The following DYNC2I1 variants were observed in gnomAD, a reference collection of about 807,000 sequenced individuals.
DYNC2I1 encodes the protein dynein 2 intermediate chain 1, also known as cytoplasmic dynein 2 intermediate chain 1.
Under a neutral mutation model 133.4 loss-of-function variants are expected in DYNC2I1, and 89 were observed. The ratio of observed to expected loss-of-function variants is 0.67; its 90% CI spans 0.56 to 0.80. The LOEUF (loss-of-function observed/expected upper bound fraction) is 0.80, where lower values mean the gene tolerates loss of function less well. Ranked by LOEUF, DYNC2I1 falls within the 30% of genes least tolerant of loss-of-function variation. The pLI is 0.00. For missense variants in DYNC2I1, 1,291 were observed against 1,314.5 expected (o/e 0.98, Z 0.28); for synonymous variants, 504 against 484.3 (o/e 1.04, Z -0.54).
rs751640988 is a variant in DYNC2I1, at chr7:158,927,031, A to G, written c.2473A>G (p.Ile825Val). 20 of 1,602,360 alleles carry G rather than the reference A, an allele frequency of 1.2e-5. No individual in the cohort carries two copies. Among genetic ancestry groups the G allele is most frequent in the Non-Finnish European group, 1.5e-5 (18 of 1,173,806 alleles). The change falls in exon 20 of 25, where the codon ATA becomes GTA. Residue 825 changes from isoleucine (I) to valine (V), a missense_variant. By Grantham distance (29) the Ile-to-Val change is conservative (BLOSUM62 3). Transcript: ENST00000407559. The stretch of plus-strand genomic sequence containing the variant: ...ACCAAAGGCAGACATCGCAGGTTCA[A>G]TAAGTGATTTAGGTAACTATTAAGT... ...ELPKADIAGS[I>V]SDLGLMPGGR...
intron 5 of DYNC2I1, among the ~76,000 whole-genome samples, chr7:158,884,015 A>T (rs969733237): frequency 2.1e-5 from 3 of 145,730 alleles, no homozygotes; most frequent in Non-Finnish European, 3.0e-5. Context: ...TTGTTATCCT[A>T]TCTGCCACAC....
chr7:158,901,046 C>G (rs148127311), intron 8 of DYNC2I1, among the ~76,000 whole-genome samples: 2 of 152,226 alleles, frequency 1.3e-5, no homozygotes, highest in Non-Finnish European at 2.9e-5. Flanking sequence ...CCTGCCATGT[C>G]TGGAACTGGT....
intron 12 of DYNC2I1, among the ~76,000 whole-genome samples, chr7:158,912,657 A>C (rs988248631): frequency 2.0e-5 from 3 of 152,170 alleles, no homozygotes; most frequent in African/African-American, 7.2e-5. Context: ...TTAGTAACAA[A>C]ACTGATTTCA....
the DYNC2I1 span, among the ~76,000 whole-genome samples, chr7:158,849,540 G>C: frequency 2.0e-5 from 3 of 152,224 alleles, no homozygotes; most frequent in African/African-American, 7.2e-5. Flanking sequence ...GTTATTGAGT[G>C]TTACAACAGC....
chr7:158,915,583 T>A (rs1848067705), intron 14 of DYNC2I1, among the ~76,000 whole-genome samples: 1 of 151,068 alleles, frequency 6.6e-6, no homozygotes, highest in African/African-American at 2.4e-5. Flanking sequence ...CTCGACACGC[T>A]GGTTGAGATT....
At chr7:158,958,410 C>T (rs1373414647), downstream of DYNC2I1, among the ~76,000 whole-genome samples, 2 of 152,200 alleles carry the variant, frequency 1.3e-5, no homozygotes, top group Non-Finnish European at 2.9e-5. Flanking sequence ...CTGTTCTGTG[C>T]GCGGATCAGC....
intron 11 of DYNC2I1, among the ~76,000 whole-genome samples, chr7:158,911,096 A>G (rs879389179): frequency 2.0e-5 from 3 of 152,312 alleles, no homozygotes; most frequent in South Asian, 2.1e-4. Context: ...GGGGAAGCAC[A>G]GAGGTTGGCT....
intron 5 of DYNC2I1, among the ~76,000 whole-genome samples, chr7:158,883,913 C>T (rs1424168689): frequency 1.3e-5 from 2 of 151,788 alleles, no homozygotes; most frequent in South Asian, 2.1e-4. Context: ...ATCCGCCCGC[C>T]TCGGCCTCCC....
At chr7:158,938,240 CAT>C (rs1157904258) in intron 23 of DYNC2I1, among the ~76,000 whole-genome samples, 1 of 152,152 alleles carries the variant, frequency 6.6e-6, no homozygotes, top group African/African-American at 2.4e-5. Context: ...AAGCAAATAA[CAT>C]ATAAAGGAGT....
rs965500665 is a variant in DYNC2I1, at chr7:158,923,718, G to T, written c.2242G>T (p.Ala748Ser). Reference protein sequence around the residue: ...LSDGFWTFRTATFSTDGILTS... With the variant: ...LSDGFWTFRTSTFSTDGILTS... ...CGATGGCTTCTGGACGTTCCGGACCGCCACGTTTTCCACCGGTCAGTGTCA... is the reference window on the plus strand; with the variant it reads ...CGATGGCTTCTGGACGTTCCGGACCTCCACGTTTTCCACCGGTCAGTGTCA... Residue 748 changes from alanine (A) to serine (S), a missense_variant, in exon 17 of 25, where the codon GCC becomes TCC. Coordinates refer to ENST00000407559, the MANE Select transcript of DYNC2I1 (RefSeq NM_018051.5). 7 of 1,610,338 alleles carry T rather than the reference G, an allele frequency of 4.3e-6. No individual in the cohort carries two copies. In the African/African-American group the frequency reaches 9.4e-5, roughly 22 times the overall value.
the DYNC2I1 span, among the ~76,000 whole-genome samples, chr7:158,841,836 G>A: frequency 6.6e-6 from 1 of 152,168 alleles, no homozygotes; most frequent in Non-Finnish European, 1.5e-5. Context: ...TGAGGTTGAC[G>A]TGAGGTTCAC....
intron 1 of DYNC2I1, among the ~76,000 whole-genome samples, chr7:158,866,692 C>A (rs1842436591): frequency 6.6e-6 from 1 of 151,652 alleles, no homozygotes; most frequent in Non-Finnish European, 1.5e-5. Flanking sequence ...CGAGACCAGC[C>A]TGACCAACAT....
the DYNC2I1 span, among the ~76,000 whole-genome samples, chr7:158,845,035 G>T: frequency 7.2e-5 from 11 of 152,076 alleles, no homozygotes; most frequent in Non-Finnish European, 1.5e-5. Flanking sequence ...TTGGCCAAGG[G>T]CATTCCAAAG....
At chr7:158,883,382 ATT>A (rs201088546) in intron 5 of DYNC2I1, among the ~76,000 whole-genome samples, 4 of 134,680 alleles carry the variant, frequency 3.0e-5, no homozygotes, top group African/African-American at 5.5e-5. Flanking sequence ...GCTTATTATT[ATT>A]TTTTTTTTTT....
At chr7:158,934,381 G>A in intron 22 of DYNC2I1, 37 bp from the exon 23 acceptor site, 3 of 1,596,066 alleles carry the variant, frequency 1.9e-6, no homozygotes, top group Non-Finnish European at 2.6e-6. Flanking sequence ...CGTGTGTAAT[G>A]CACTCGTTCA....
intron 20 of DYNC2I1, among the ~76,000 whole-genome samples, chr7:158,928,067 C>G (rs987540841): frequency 5.9e-5 from 9 of 152,164 alleles, no homozygotes; most frequent in Non-Finnish European, 1.5e-5. Context: ...GATGCTGCCC[C>G]GAGGGCCCTT....
intron 23 of DYNC2I1, among the ~76,000 whole-genome samples, chr7:158,940,011 C>G (rs893088555): frequency 6.6e-6 from 1 of 152,096 alleles, no homozygotes; most frequent in Non-Finnish European, 1.5e-5. Flanking sequence ...ATTAATAGAT[C>G]TAAAACAGAA....
chr7:158,858,376 T>G (rs949564479), intron 1 of DYNC2I1, among the ~76,000 whole-genome samples: 2 of 152,200 alleles, frequency 1.3e-5, no homozygotes, highest in African/African-American at 4.8e-5. Context: ...AGTCCTGTAT[T>G]CTAAGCTCAC....
intron 24 of DYNC2I1, among the ~76,000 whole-genome samples, chr7:158,943,377 C>G (rs1851564948): frequency 6.6e-6 from 1 of 152,190 alleles, no homozygotes; most frequent in South Asian, 2.1e-4. Context: ...CTCTCCCTCC[C>G]TGGTGGGCAA....
Sources: gnomAD v4.1 joint callset for allele counts (sites outside exome capture counted in the v4.1 genomes callset) on GRCh38, gnomAD v4.1.1 for gene constraint, MANE v1.5 for transcripts, NCBI Gene and HGNC (gene_info 2026-07-23, HGNC 2026-07-21) for gene names.